The following PGS1 variants were observed in gnomAD, a reference collection of about 807,000 sequenced individuals.
The protein encoded by PGS1 is CDP-diacylglycerol--glycerol-3-phosphate 3-phosphatidyltransferase, mitochondrial.
A neutral mutation model predicts 58.3 loss-of-function variants in PGS1; 44 were observed. The ratio of observed to expected loss-of-function variants is 0.75; its 90% CI spans 0.59 to 0.97. The LOEUF is 0.97. Among genes scored for constraint, PGS1 ranks in the 50% least tolerant of loss-of-function variants. PGS1 has a pLI of 0.00. For synonymous variants in PGS1, 330 were observed against 311.0 expected (o/e 1.06, Z -0.64); for missense variants, 684 against 731.1 (o/e 0.94, Z 0.74).
chr17:78,389,136 C>T (rs1286881135), intron 1 of PGS1, among the ~76,000 whole-genome samples: 2 of 136,248 alleles, frequency 1.5e-5, no homozygotes, highest in African/African-American at 5.6e-5. Context: ...GATCTCGGCT[C>T]ACTGCAACCT....
At chr17:78,398,645 T>G (rs1413103714) in intron 4 of PGS1, among the ~76,000 whole-genome samples, 1 of 152,266 alleles carries the variant, frequency 6.6e-6, no homozygotes, top group Non-Finnish European at 1.5e-5. Context: ...GAGTCCAGCC[T>G]GGGCAACATA....
At position 78,424,065 on chromosome 17, in the gene PGS1, G is replaced by A. The variant is rs1302438495; in HGVS notation, c.*15G>A. On this transcript the variant is annotated 3_prime_UTR_variant, in exon 10 of 10. Transcript: ENST00000262764. Reference sequence around the variant, plus strand: ...TGGTCTCCATGCGGTCCACAGGAATGGCCTTGATGAAGATGACAGGCATGG... The same window carrying A: ...TGGTCTCCATGCGGTCCACAGGAATAGCCTTGATGAAGATGACAGGCATGG... 1 of 1,613,922 alleles carries A rather than the reference G, an allele frequency of 6.2e-7. No individual in the cohort carries two copies. The highest frequency in any genetic ancestry group is 1.1e-5 in the South Asian group (1 of 91,092).
chr17:78,393,333 T>TA (rs2082975061), intron 2 of PGS1, among the ~76,000 whole-genome samples: 2 of 152,222 alleles, frequency 1.3e-5, no homozygotes, highest in South Asian at 2.1e-4. Context: ...GTGCTGGGAT[T>TA]ACAGGCATGA....
At chr17:78,384,990 C>T (rs974550797) in intron 1 of PGS1, among the ~76,000 whole-genome samples, 6 of 152,232 alleles carry the variant, frequency 3.9e-5, no homozygotes, top group African/African-American at 1.2e-4. Context: ...GCTGTTGACA[C>T]GCGCTGAGGA....
In PGS1 at chr17:78,382,636, G is replaced by GTCT. The variant is rs1449837241; in HGVS notation, c.143+3829_143+3830insCTT. On this transcript the variant is annotated intron_variant, in intron 1 of 9. Transcript: ENST00000262764. ...TTGAGTCATCCGGCTACACAGAATGGTTTTTTTTTTTTTTTTTTTTTTTTG... is the reference window on the plus strand; with the variant it reads ...TTGAGTCATCCGGCTACACAGAATGGTCTTTTTTTTTTTTTTTTTTTTTTTTTG... 1.2e-3 allele frequency: 92 copies of GTCT among 75,156 alleles called. 2 individuals are homozygous for GTCT. The highest frequency in any genetic ancestry group is 4.9e-3 in the African/African-American group (85 of 17,312). The allele number at this position is 75,156 out of a possible 1,614,324, so 4.7% of individuals were successfully genotyped here.
intron 9 of PGS1, chr17:78,419,898 A>G (rs1034775851): frequency 3.9e-6 from 5 of 1,272,004 alleles, no homozygotes; most frequent in Non-Finnish European, 5.0e-6. Context: ...CACTCCACTA[A>G]GTCCCAAGGC....
chr17:78,414,762 C>T (rs542244707), intron 7 of PGS1, 117 bp from the exon 8 acceptor site: 1 of 1,156,640 alleles, frequency 8.6e-7, no homozygotes, highest in African/African-American at 1.5e-5. Context: ...TGCAGCAGCC[C>T]CTCGTGTCCA....
At chr17:78,421,189 TATCC>T (rs906415238) in intron 9 of PGS1, 1 of 152,246 alleles carries the variant, frequency 6.6e-6, no homozygotes, top group African/African-American at 2.4e-5. Flanking sequence ...CAGCTCTCCA[TATCC>T]CCCAGTGTCT....
Position 78,392,553 on chromosome 17 carries a change from C to A in PGS1, c.221C>A (p.Pro74Gln), listed in dbSNP as rs759435511. The A allele has an allele frequency of 6.2e-7, 1 of 1,614,140 alleles. No homozygotes were observed. The highest frequency in any genetic ancestry group is 8.5e-7 in the Non-Finnish European group (1 of 1,179,970). ...QVTSPPCCLC[P>Q]EGVHRFQWIR... The stretch of plus-strand genomic sequence containing the variant: ...ACCTCCCCACCTTGCTGCCTGTGTC[C>A]AGAAGGCGTGCACCGGTTCCAGTGG... Residue 74 changes from proline to glutamine, a missense_variant, in exon 2 of 10, where the codon CCA becomes CAA. By Grantham distance (76) the Pro-to-Gln change is moderately conservative. Transcript: ENST00000262764.
intron 1 of PGS1, among the ~76,000 whole-genome samples, chr17:78,392,174 A>G (rs926120665): frequency 6.6e-6 from 1 of 152,100 alleles, no homozygotes; most frequent in Admixed American, 6.5e-5. Flanking sequence ...GGATGCTCTA[A>G]ATTTGGTTCC....
Position 78,415,106 on chromosome 17 carries a change from CCCTGAGAGCTGTTT to C in PGS1, c.1551+86_1551+99del, listed in dbSNP as rs1157119787. On this transcript the variant is annotated intron_variant, in intron 8 of 9. Transcript: ENST00000262764. Reference sequence around the variant, plus strand: ...CAGGCTCACCCGTGCTGTGGGGCTGCCCTGAGAGCTGTTTCCTGAGGCAACGAGTGAGACTCAGA... The same window carrying C: ...CAGGCTCACCCGTGCTGTGGGGCTGCCCTGAGGCAACGAGTGAGACTCAGA... The C allele has an allele frequency of 8.5e-6, 13 of 1,526,392 alleles. No individual in the cohort carries two copies. The Admixed American group carries it at 2.3e-4, about 27-fold the overall frequency. 94.6% of individuals were successfully genotyped at this position (1,526,392 alleles called of 1,614,324 possible).
At chr17:78,416,396 C>T (rs777031289) in intron 8 of PGS1, among the ~76,000 whole-genome samples, 18 of 152,246 alleles carry the variant, frequency 1.2e-4, no homozygotes, top group Admixed American at 3.3e-4. Flanking sequence ...GAGACTTCCA[C>T]TGTAGCTCTG....
chr17:78,423,107 A>G (rs1402056616), intron 9 of PGS1, among the ~76,000 whole-genome samples: 1 of 137,328 alleles, frequency 7.3e-6, no homozygotes, highest in South Asian at 2.4e-4. Flanking sequence ...TCTCCCTCGA[A>G]AAAAAAAAAA....
intron 1 of PGS1, among the ~76,000 whole-genome samples, chr17:78,387,303 C>CTT (rs552622170): frequency 0.01 from 1,518 of 144,626 alleles, 36 homozygotes; most frequent in East Asian, 0.054. Context: ...TGCGCCCAGC[C>CTT]TTTTTTTTTT....
chr17:78,393,250 T>C (rs942104723), intron 2 of PGS1, among the ~76,000 whole-genome samples: 2 of 151,298 alleles, frequency 1.3e-5, no homozygotes, highest in African/African-American at 2.4e-5. Flanking sequence ...TTAGTAGAGA[T>C]GGGGTTTCAC....
chr17:78,422,424 TAAACTTGGAAAAATGTTTTTGCA>T (rs2085911446), intron 9 of PGS1, among the ~76,000 whole-genome samples: 1 of 128,762 alleles, frequency 7.8e-6, no homozygotes, highest in Non-Finnish European at 1.8e-5. Context: ...TTTAGGTGAG[TAAACTTGGAAAAATGTTTTTGCA>T]AAACTTGATG....
chr17:78,415,847 C>T (rs752839877), intron 8 of PGS1, among the ~76,000 whole-genome samples: 4 of 152,206 alleles, frequency 2.6e-5, no homozygotes, highest in East Asian at 3.8e-4. Flanking sequence ...CTCATGAATT[C>T]GTGACCTTTG....
chr17:78,386,538 G>A (rs2082397550), intron 1 of PGS1, among the ~76,000 whole-genome samples: 1 of 152,196 alleles, frequency 6.6e-6, no homozygotes, highest in African/African-American at 2.4e-5. Flanking sequence ...GTCTTGATGT[G>A]GAAATTGTGT....
At chr17:78,387,588 C>T (rs1306255146) in intron 1 of PGS1, among the ~76,000 whole-genome samples, 2 of 139,382 alleles carry the variant, frequency 1.4e-5, no homozygotes, top group Non-Finnish European at 3.1e-5. Context: ...TGTGAGCCAT[C>T]GCGCCCAGCC....
Sources: allele counts gnomAD v4.1 joint callset (sites outside exome capture counted in the v4.1 genomes callset), GRCh38; gene constraint gnomAD v4.1.1; transcripts MANE v1.5; gene names NCBI Gene and HGNC (gene_info 2026-07-23, HGNC 2026-07-21).